Variants in TNFRSF19 observed in about 807,000 individuals in gnomAD.
The protein encoded by TNFRSF19 is tumor necrosis factor receptor superfamily member 19.
In TNFRSF19, 27 loss-of-function variants were observed where a neutral mutation model predicts 46.4. The observed-to-expected ratio is 0.58, with a 90% CI of 0.43 to 0.80. TNFRSF19 has a LOEUF of 0.80. Ranked by LOEUF, TNFRSF19 falls within the 30% of genes least tolerant of loss-of-function variation. The pLI is 0.00. For synonymous variants in TNFRSF19, 204 were observed against 205.0 expected, an observed-to-expected ratio of 1.00 and a Z score of 0.04; for missense variants, 511 against 530.8, an observed-to-expected ratio of 0.96 and a Z score of 0.37.
chr13:23,660,139 C>T (rs1438745858), intron 6 of TNFRSF19, among the ~76,000 whole-genome samples: 4 of 152,166 alleles, frequency 2.6e-5, no homozygotes, highest in East Asian at 1.9e-4. Flanking sequence ...GATGTCCCTG[C>T]GCCACTAGGC....
Position 23,673,655 on chromosome 13 carries a change from C to A in TNFRSF19, c.*275C>A, listed in dbSNP as rs185211526. ...AGAAGCTTCTCTGCCACAAAAGTGACTTCAAAGACGGATGGGTTGAGCTGG... is the reference window on the plus strand; with the variant it reads ...AGAAGCTTCTCTGCCACAAAAGTGAATTCAAAGACGGATGGGTTGAGCTGG... On this transcript the variant is annotated 3_prime_UTR_variant, in exon 10 of 10. Coordinates refer to ENST00000248484, the MANE Select transcript of TNFRSF19 (RefSeq NM_148957.4). 2 of 940,452 alleles carry A rather than the reference C, an allele frequency of 2.1e-6. No homozygotes were observed. Among genetic ancestry groups the A allele is most frequent in the Admixed American group, 8.9e-5 (2 of 22,586 alleles). 58.3% of individuals were successfully genotyped at this position (940,452 alleles called of 1,614,324 possible).
rs1417099139 is a variant in TNFRSF19 at position 23,659,805 on chromosome 13, A to G, written c.611-560A>G. On this transcript the variant is annotated intron_variant, in intron 6 of 9. Transcript: ENST00000248484. The surrounding 1 kb of genome is among the most constrained non-coding windows in gnomAD (Gnocchi z 4.9). Reference sequence around the variant, plus strand: ...CAGATGTGAGCCACTGCACCGGCCTATTATATGTATTATGCCCTGTATTCT... The same window carrying G: ...CAGATGTGAGCCACTGCACCGGCCTGTTATATGTATTATGCCCTGTATTCT... Among the ~76,000 whole-genome samples, 1 of 152,174 alleles carries G rather than the reference A, an allele frequency of 6.6e-6. No individual in the cohort carries two copies. Among genetic ancestry groups the G allele is most frequent in the Non-Finnish European group, 1.5e-5 (1 of 68,032 alleles).
intron 5 of TNFRSF19, among the ~76,000 whole-genome samples, chr13:23,644,282 C>T (rs762545777): frequency 2.4e-4 from 37 of 152,284 alleles, no homozygotes; most frequent in Admixed American, 5.9e-4. Context: ...CTCGTAGTTC[C>T]CATAATCTCC....
rs1244701713 is a variant in TNFRSF19, at chr13:23,635,375, G to A, written c.445+8583G>A. On this transcript the variant is annotated intron_variant, in intron 5 of 9. Coordinates refer to ENST00000248484, the MANE Select transcript of TNFRSF19 (RefSeq NM_148957.4). ...ATTTAGAAGATAATATCCCACTTTG[G>A]GTTTTTAAAACATTATTTTTTGAGA... Among the ~76,000 whole-genome samples the A allele has an allele frequency of 3.9e-5, 6 of 152,068 alleles. No individual in the cohort carries two copies. In the East Asian group the frequency reaches 1.2e-3, roughly 29 times the overall value.
chr13:23,624,631 TTA>T (rs1881870344), intron 4 of TNFRSF19, among the ~76,000 whole-genome samples: 1 of 152,166 alleles, frequency 6.6e-6, no homozygotes. Flanking sequence ...CATAGAAAAT[TTA>T]TGTTATATAT....
intron 7 of TNFRSF19, among the ~76,000 whole-genome samples, chr13:23,663,039 A>G (rs1051302890): frequency 6.6e-6 from 1 of 152,064 alleles, no homozygotes; most frequent in Non-Finnish European, 1.5e-5. Context: ...CCTGGCTAGG[A>G]TTTCCCATAC....
chr13:23,607,921 T>G (rs1368982897), intron 3 of TNFRSF19, among the ~76,000 whole-genome samples: 1 of 152,232 alleles, frequency 6.6e-6, no homozygotes, highest in African/African-American at 2.4e-5. Flanking sequence ...CTCCTAATTA[T>G]TATTTTCTTT....
At chr13:23,638,650 C>T (rs942705192) in intron 5 of TNFRSF19, among the ~76,000 whole-genome samples, 12 of 152,184 alleles carry the variant, frequency 7.9e-5, no homozygotes, top group African/African-American at 2.9e-4. Flanking sequence ...CTGCGGTGGC[C>T]GTCAGCCCCT....
At chr13:23,584,740 G>T (rs932531229) in intron 1 of TNFRSF19, among the ~76,000 whole-genome samples, 4 of 151,586 alleles carry the variant, frequency 2.6e-5, no homozygotes, top group African/African-American at 7.3e-5. Flanking sequence ...AGGGTTTTTA[G>T]TAGAAAATAC....
intron 5 of TNFRSF19, among the ~76,000 whole-genome samples, chr13:23,644,105 C>T (rs1032229221): frequency 2.6e-5 from 4 of 152,212 alleles, no homozygotes; most frequent in African/African-American, 9.6e-5. Flanking sequence ...ATAATTAGGG[C>T]AGTGCCTACC....
In TNFRSF19 at chr13:23,580,733, G is replaced by C. The variant is rs80335731; in HGVS notation, c.-34-9417G>C. Among the ~76,000 whole-genome samples the C allele has an allele frequency of 1.5e-4, 23 of 152,332 alleles. No individual in the cohort carries two copies. In the East Asian group the frequency reaches 4.4e-3, roughly 29 times the overall value. On this transcript the variant is annotated intron_variant, in intron 1 of 9. Transcript: ENST00000248484. ...AGAGATGTGAGTACTTAAAAAGAAA[G>C]CTTCTTTGCATAACACTTATCAAAT...
chr13:23,597,078 T>A (rs1593242464), intron 3 of TNFRSF19, among the ~76,000 whole-genome samples: 1 of 152,316 alleles, frequency 6.6e-6, no homozygotes, highest in African/African-American at 2.4e-5. Context: ...CCAGAATCTC[T>A]GGGATACAGC....
At chr13:23,614,737 TA>T (rs2138252323) in intron 3 of TNFRSF19, among the ~76,000 whole-genome samples, 1 of 96,096 alleles carries the variant, frequency 1.0e-5, no homozygotes, top group Non-Finnish European at 2.3e-5. Flanking sequence ...TTCCTGTGGA[TA>T]AGTAATACAT....
rs915872838 is a variant in TNFRSF19 at position 23,590,145 on chromosome 13, T to C, written c.-34-5T>C. The C allele has an allele frequency of 4.2e-6, 6 of 1,420,308 alleles. No homozygotes were observed. Among genetic ancestry groups the C allele is most frequent in the Non-Finnish European group, 4.9e-6 (5 of 1,020,858 alleles). 88.0% of individuals were successfully genotyped at this position (1,420,308 alleles called of 1,614,324 possible). On this transcript the variant is annotated splice_region_variant and splice_polypyrimidine_tract_variant and intron_variant, in intron 1 of 9. Transcript: ENST00000248484. Reference sequence around the variant, plus strand: ...ATTAACTGCATCTTCCTATCTTTTATTTAGAACTCTCCAACAATAAATACA... The same window carrying C: ...ATTAACTGCATCTTCCTATCTTTTACTTAGAACTCTCCAACAATAAATACA...
At chr13:23,639,898 T>C (rs981314174) in intron 5 of TNFRSF19, among the ~76,000 whole-genome samples, 12 of 152,248 alleles carry the variant, frequency 7.9e-5, no homozygotes, top group African/African-American at 2.9e-4. Flanking sequence ...AAAGGACTTA[T>C]TGTTGCAGTC....
At chr13:23,631,749 G>GA (rs1034396304) in intron 5 of TNFRSF19, among the ~76,000 whole-genome samples, 7 of 152,202 alleles carry the variant, frequency 4.6e-5, no homozygotes, top group Admixed American at 6.5e-5. Flanking sequence ...GAAGGAAGAG[G>GA]AGGGAGTCTG....
chr13:23,595,823 T>C (rs1031369023), intron 3 of TNFRSF19, among the ~76,000 whole-genome samples: 2 of 150,950 alleles, frequency 1.3e-5, no homozygotes, highest in African/African-American at 4.9e-5. Flanking sequence ...TTCACAAAGG[T>C]TGAAATAAAG....
intron 3 of TNFRSF19, among the ~76,000 whole-genome samples, chr13:23,603,602 TA>T (rs1283025729): frequency 2.0e-5 from 3 of 151,872 alleles, no homozygotes. Flanking sequence ...CAATGTATAT[TA>T]AAAAAATCAC....
chr13:23,654,374 G>A (rs891097417), intron 5 of TNFRSF19, among the ~76,000 whole-genome samples: 17 of 151,638 alleles, frequency 1.1e-4, no homozygotes, highest in Admixed American at 3.9e-4. Flanking sequence ...AATGCCCCCC[G>A]CCCCTGCCCC....
Sources: allele counts gnomAD v4.1 joint callset (sites outside exome capture counted in the v4.1 genomes callset), GRCh38; gene constraint gnomAD v4.1.1; non-coding constraint Gnocchi (gnomAD v3.1); transcripts MANE v1.5; gene names NCBI Gene and HGNC (gene_info 2026-07-23, HGNC 2026-07-21).